ANKMY1: variants seen among roughly 807,000 people sequenced by gnomAD.
The protein encoded by ANKMY1 is ankyrin repeat and MYND domain containing 1.
A neutral mutation model predicts 102.0 loss-of-function variants in ANKMY1; 98 were observed. That is an observed-to-expected ratio of 0.96 (90% CI 0.82 to 1.14). The LOEUF (loss-of-function observed/expected upper bound fraction) is 1.14, where lower values mean the gene tolerates loss of function less well. Ranked by LOEUF, ANKMY1 falls within the 50% of genes most tolerant of loss-of-function variation. ANKMY1 has a pLI of 0.00. For synonymous variants in ANKMY1, 582 were observed against 559.9 expected, an observed-to-expected ratio of 1.04 and a Z score of -0.56; for missense variants, 1,330 against 1,347.6, an observed-to-expected ratio of 0.99 and a Z score of 0.20.
chr2:240,518,931 G>A (rs1358601602), intron 9 of ANKMY1, among the ~76,000 whole-genome samples: 1 of 152,222 alleles, frequency 6.6e-6, no homozygotes, highest in Non-Finnish European at 1.5e-5. Flanking sequence ...AGACCCGCCT[G>A]CCCTCAAACA....
At chr2:240,523,807 A>C in intron 8 of ANKMY1, 78 bp downstream of exon 8, 32 of 1,537,416 alleles carry the variant, frequency 2.1e-5, no homozygotes, top group African/African-American at 4.1e-5. Context: ...GGCACAGGGA[A>C]GAGACGTGGG....
Position 240,557,219 on chromosome 2 carries a change from G to A in ANKMY1, c.117C>T (p.Ser39=). The A allele has an allele frequency of 6.3e-7, 1 of 1,575,338 alleles. No individual in the cohort carries two copies. Among genetic ancestry groups the A allele is most frequent in the Non-Finnish European group, 8.6e-7 (1 of 1,159,132 alleles). Residue 39 remains serine, a synonymous_variant, in exon 2 of 18, where the codon TCC becomes TCT. Coordinates refer to ENST00000401804, the MANE Select transcript of ANKMY1 (RefSeq NM_001282771.3). ...GETPAAEEPG[S]LKNYAVFATR... ...TGGCGAAGACAGCGTAGTTCTTCAG[G>A]GACCCCGGCTCCTCGGCAGCAGGGG... is the stretch of plus-strand genomic sequence containing the variant.
intron 15 of ANKMY1, 114 bp from the exon 16 acceptor site, chr2:240,482,375 G>T: frequency 1.1e-6 from 1 of 899,946 alleles, no homozygotes; most frequent in Non-Finnish European, 1.7e-6. Context: ...CTCGGGAGGC[G>T]GATAGGGGGA....
intron 1 of ANKMY1, among the ~76,000 whole-genome samples, 171 bp downstream of exon 1, chr2:240,557,710 C>T (rs1261903175): frequency 2.6e-5 from 4 of 152,176 alleles, no homozygotes; most frequent in Non-Finnish European, 5.9e-5. Context: ...GAAGCCAGCG[C>T]TCGAGGGTGG....
At chr2:240,536,065 T>A (rs981155811) in intron 4 of ANKMY1, among the ~76,000 whole-genome samples, 4 of 152,040 alleles carry the variant, frequency 2.6e-5, no homozygotes, top group African/African-American at 9.7e-5. Flanking sequence ...CAAAAAACTA[T>A]CTAGAGCCTG....
chr2:240,528,955 C>T, intron 5 of ANKMY1, 82 bp downstream of exon 5: 1 of 1,300,320 alleles, frequency 7.7e-7, no homozygotes, highest in Non-Finnish European at 1.1e-6. Flanking sequence ...TCAGTGGCAG[C>T]TGGCCGGGGA....
chr2:240,541,688 G>C (rs1172430737), intron 4 of ANKMY1, among the ~76,000 whole-genome samples: 2 of 151,894 alleles, frequency 1.3e-5, no homozygotes, highest in African/African-American at 4.8e-5. Context: ...ATTTTTAGTA[G>C]AGACGGGGTT....
intron 4 of ANKMY1, among the ~76,000 whole-genome samples, chr2:240,535,764 T>C (rs1166653496): frequency 6.6e-6 from 1 of 152,042 alleles, no homozygotes; most frequent in Admixed American, 6.6e-5. Context: ...TTTTAAAAAA[T>C]CAGAGTTTAG....
At chr2:240,481,226 G>T in intron 16 of ANKMY1, 129 bp from the exon 17 acceptor site, 1 of 1,159,438 alleles carries the variant, frequency 8.6e-7, no homozygotes, top group Non-Finnish European at 1.2e-6. Flanking sequence ...ACTGTCCCCT[G>T]CATTGGGCAG....
the ANKMY1 span, among the ~76,000 whole-genome samples, chr2:240,471,188 G>C: frequency 6.6e-6 from 1 of 151,986 alleles, no homozygotes; most frequent in Non-Finnish European, 1.5e-5. Context: ...AGTACCTAGA[G>C]GGTTTGTCCA....
intron 4 of ANKMY1, among the ~76,000 whole-genome samples, chr2:240,545,808 G>GA (rs993877992): frequency 6.6e-6 from 1 of 152,112 alleles, no homozygotes; most frequent in Non-Finnish European, 1.5e-5. Context: ...GAAGTTTAGA[G>GA]AAAAAAGAAT....
intron 15 of ANKMY1, among the ~76,000 whole-genome samples, chr2:240,484,990 C>T (rs1194864082): frequency 6.6e-6 from 1 of 152,042 alleles, no homozygotes; most frequent in African/African-American, 2.4e-5. Flanking sequence ...AAATCAAAAC[C>T]ACAATGAGAT....
intron 13 of ANKMY1, among the ~76,000 whole-genome samples, chr2:240,505,765 C>T (rs760804498): frequency 4.6e-5 from 7 of 152,090 alleles, no homozygotes; most frequent in African/African-American, 1.7e-4. Context: ...ATAAAGAAGT[C>T]GAAGCCCAGT....
intron 4 of ANKMY1, among the ~76,000 whole-genome samples, chr2:240,547,881 A>C (rs1254878310): frequency 6.6e-6 from 1 of 152,190 alleles, no homozygotes; most frequent in East Asian, 1.9e-4. Context: ...ATAGTTTACC[A>C]ACCAAAAAGA....
At chr2:240,498,293 TG>T (rs199604683) in intron 15 of ANKMY1, among the ~76,000 whole-genome samples, 21 of 50,778 alleles carry the variant, frequency 4.1e-4, no homozygotes, top group African/African-American at 9.1e-4. Flanking sequence ...GTGTTGGGGG[TG>T]GGGGGGGTTT....
intron 4 of ANKMY1, among the ~76,000 whole-genome samples, chr2:240,530,169 A>C (rs2084975996): frequency 6.6e-6 from 1 of 152,240 alleles, no homozygotes; most frequent in South Asian, 2.1e-4. Flanking sequence ...AGGGCCTCAC[A>C]AAACAACCAG....
In ANKMY1 at chr2:240,509,435, C is replaced by T; in HGVS notation, c.2307G>A (p.Arg769=). Residue 769 remains arginine (R), a synonymous_variant, in exon 12 of 18, where the codon CGG becomes CGA. Coordinates refer to ENST00000401804, the MANE Select transcript of ANKMY1 (RefSeq NM_001282771.3). Reference sequence around the variant, plus strand: ...GATTTGCTCCGTGGGATAGAAGGAGCCGGACTATGTCCCTGGCACACTGGG... The same window carrying T: ...GATTTGCTCCGTGGGATAGAAGGAGTCGGACTATGTCCCTGGCACACTGGG... ...DDNKCARDIV[R]LLLSHGANPN... 2 of 1,613,058 alleles carry T rather than the reference C, an allele frequency of 1.2e-6. No homozygotes were observed. Among genetic ancestry groups the T allele is most frequent in the Non-Finnish European group, 1.7e-6 (2 of 1,179,526 alleles).
At chr2:240,486,643 A>G (rs999667566) in intron 15 of ANKMY1, among the ~76,000 whole-genome samples, 1 of 152,194 alleles carries the variant, frequency 6.6e-6, no homozygotes, top group Non-Finnish European at 1.5e-5. Flanking sequence ...TTAACAGTTT[A>G]TCTAACTCTG....
chr2:240,511,289 G>A (rs2080129395), intron 11 of ANKMY1, among the ~76,000 whole-genome samples: 1 of 152,256 alleles, frequency 6.6e-6, no homozygotes, highest in African/African-American at 2.4e-5. Flanking sequence ...GGTAAACTGA[G>A]GCTCGGTGTG....
Sources: gnomAD v4.1 joint callset for allele counts (sites outside exome capture counted in the v4.1 genomes callset) on GRCh38, gnomAD v4.1.1 for gene constraint, MANE v1.5 for transcripts, NCBI Gene and HGNC (gene_info 2026-07-23, HGNC 2026-07-21) for gene names.